The following EEF1A2 variants were observed in gnomAD, a reference collection of about 807,000 sequenced individuals.
EEF1A2 encodes elongation factor 1-alpha 2.
A neutral mutation model predicts 39.3 loss-of-function variants in EEF1A2; 5 were observed. The observed-to-expected ratio is 0.13, with a 90% confidence interval of 0.07 to 0.27. EEF1A2 has a LOEUF of 0.27. Among genes scored for constraint, EEF1A2 ranks in the 10% least tolerant of loss-of-function variants. EEF1A2 has a pLI of 1.00. For synonymous variants in EEF1A2, 287 were observed against 293.7 expected (o/e 0.98, Z 0.23); for missense variants, 218 against 681.4 (o/e 0.32, Z 7.57).
At chr20:63,495,405 A>G (rs975345409) in intron 3 of EEF1A2, among the ~76,000 whole-genome samples, 6 of 152,226 alleles carry the variant, frequency 3.9e-5, no homozygotes, top group African/African-American at 1.4e-4. Context: ...TAGAAGTCAC[A>G]GTTATCAAAG....
chr20:63,490,476 C>G lies in EEF1A2; in HGVS notation c.1029+3G>C, dbSNP rs111392970. 36 of 1,606,094 alleles carry G rather than the reference C, an allele frequency of 2.2e-5. No individual in the cohort carries two copies. Among genetic ancestry groups the G allele is most frequent in the African/African-American group, 5.3e-5 (4 of 74,930 alleles). On this transcript the variant is annotated splice_donor_region_variant and intron_variant, in intron 6 of 7. Coordinates refer to ENST00000217182, the MANE Select transcript of EEF1A2 (RefSeq NM_001958.5). ...GCCCCCTGGACCCAGCGCAGCCCCC[C>G]ACCTGGGAGGTGAACTGAGCAGCCT...
chr20:63,493,062 T>A (rs1223057272), intron 5 of EEF1A2, 75 bp downstream of exon 5: 1 of 1,494,772 alleles, frequency 6.7e-7, no homozygotes, highest in Non-Finnish European at 8.9e-7. Context: ...AGTCTTGAGA[T>A]GCCTTGTAGG....
At chr20:63,496,206 C>T (rs1254821444) in intron 2 of EEF1A2, 171 bp from the exon 3 acceptor site, 3 of 757,492 alleles carry the variant, frequency 4.0e-6, no homozygotes, top group Admixed American at 5.8e-5. Context: ...CGGGACCCCA[C>T]ACCCAGACCC....
At chr20:63,495,188 TC>T in intron 3 of EEF1A2, 87 bp from the exon 4 acceptor site, 1 of 1,530,742 alleles carries the variant, frequency 6.5e-7, no homozygotes, top group Non-Finnish European at 8.8e-7. Context: ...TCCAGGCCTC[TC>T]CAGGCAGCGG....
intron 5 of EEF1A2, among the ~76,000 whole-genome samples, 200 bp downstream of exon 5, chr20:63,492,937 G>C (rs2082397815): frequency 6.8e-6 from 1 of 146,192 alleles, no homozygotes; most frequent in African/African-American, 2.5e-5. Flanking sequence ...TAGATGGATG[G>C]GTGGATGGAT....
At chr20:63,491,144 G>A (rs1219907461) in intron 5 of EEF1A2, among the ~76,000 whole-genome samples, 1 of 151,542 alleles carries the variant, frequency 6.6e-6, no homozygotes, top group African/African-American at 2.4e-5. Context: ...CTGTGAGTGT[G>A]GGCGGGGCGA....
intron 2 of EEF1A2, 171 bp from the exon 3 acceptor site, chr20:63,496,206 C>A: frequency 1.3e-6 from 1 of 757,612 alleles, no homozygotes; most frequent in Non-Finnish European, 2.1e-6. Flanking sequence ...CGGGACCCCA[C>A]ACCCAGACCC....
chr20:63,488,280 G>A lies in EEF1A2; in HGVS notation c.*18C>T, dbSNP rs1390552672. 3 of 1,208,286 alleles carry A rather than the reference G, an allele frequency of 2.5e-6. No individual in the cohort carries two copies. The highest frequency in any genetic ancestry group is 1.8e-5 in the South Asian group (1 of 55,176). The allele number at this position is 1,208,286 out of a possible 1,614,324, so 74.8% of individuals were successfully genotyped here. A position where few individuals can be genotyped will look rare whatever the true frequency, so the allele number is the denominator to read the frequency against. On this transcript the variant is annotated 3_prime_UTR_variant, in exon 8 of 8. Transcript: ENST00000217182. Reference sequence around the variant, plus strand: ...GCGCGGCACCGCCGGGGAGGGTCGCGCCGCGGGCGCCCGCGCTTCACTTGC... The same window carrying A: ...GCGCGGCACCGCCGGGGAGGGTCGCACCGCGGGCGCCCGCGCTTCACTTGC...
At chr20:63,490,182 CT>C (rs1176710535) in intron 6 of EEF1A2, 1 of 295,490 alleles carries the variant, frequency 3.4e-6, no homozygotes, top group Non-Finnish European at 6.5e-6. Context: ...ATTCTCCTGC[CT>C]CAGCTTCCTG....
chr20:63,492,390 G>GAGA (rs769905403), intron 5 of EEF1A2, among the ~76,000 whole-genome samples: 1 of 129,662 alleles, frequency 7.7e-6, no homozygotes, highest in South Asian at 2.5e-4. Flanking sequence ...GGATGGGTGG[G>GAGA]TAGATGGATG....
chr20:63,491,477 C>T (rs765933433), intron 5 of EEF1A2, among the ~76,000 whole-genome samples: 2 of 152,240 alleles, frequency 1.3e-5, no homozygotes, highest in Non-Finnish European at 2.9e-5. Flanking sequence ...AGTGGCTGTG[C>T]TCTGTGCTGG....
intron 3 of EEF1A2, among the ~76,000 whole-genome samples, chr20:63,495,410 T>C (rs1474529822): frequency 6.6e-6 from 1 of 152,232 alleles, no homozygotes; most frequent in East Asian, 1.9e-4. Flanking sequence ...GTCACAGTTA[T>C]CAAAGCAGTT....
Position 63,493,138 on chromosome 20 carries a change from G to A in EEF1A2, c.771C>T (p.Gly257=), listed in dbSNP as rs1047396966. The A allele has an allele frequency of 1.0e-5, 16 of 1,547,438 alleles. No individual in the cohort carries two copies. The African/African-American group carries it at 1.1e-4, about 11-fold the overall frequency. ...RLPLQDVYKI[G]GIGTVPVGRV... is the part of the protein sequence containing the mutation. Reference sequence around the variant, plus strand: ...CTCCAGCACAGCGCCCTTGCTCACCGCCAATCTTGTACACGTCCTGCAGCG... The same window carrying A: ...CTCCAGCACAGCGCCCTTGCTCACCACCAATCTTGTACACGTCCTGCAGCG... The change falls in exon 5 of 8, where the codon GGC becomes GGT. Residue 257 remains glycine, a splice_region_variant and synonymous_variant. Coordinates refer to ENST00000217182, the MANE Select transcript of EEF1A2 (RefSeq NM_001958.5).
intron 6 of EEF1A2, among the ~76,000 whole-genome samples, chr20:63,489,654 A>G (rs1006086021): frequency 1.3e-5 from 2 of 152,114 alleles, no homozygotes; most frequent in Non-Finnish European, 2.9e-5. Context: ...GTGGTGGCAC[A>G]TGCCTGTAAT....
In EEF1A2 at chr20:63,488,299, C is replaced by T; in HGVS notation, c.1391G>A (p.Ter464=). Residue 464 remains the stop codon, a stop_retained_variant, in exon 8 of 8, where the codon TGA becomes TAA. Transcript: ENST00000217182. ...SAQKAQKAGK[*] ...GGTCGCGCCGCGGGCGCCCGCGCTTCACTTGCCCGCCTTCTGCGCCTTCTG... is the reference window on the plus strand; with the variant it reads ...GGTCGCGCCGCGGGCGCCCGCGCTTTACTTGCCCGCCTTCTGCGCCTTCTG... 7.4e-7 allele frequency: 1 copy of T among 1,355,668 alleles called. No homozygotes were observed. Among genetic ancestry groups the T allele is most frequent in the Non-Finnish European group, 9.6e-7 (1 of 1,042,432 alleles). 84.0% of individuals were successfully genotyped at this position (1,355,668 alleles called of 1,614,324 possible).
chr20:63,496,494 T>A (rs1225967613), intron 2 of EEF1A2: 1 of 158,994 alleles, frequency 6.3e-6, no homozygotes, highest in African/African-American at 2.4e-5. Context: ...AAAGGAAAAC[T>A]GAATGAGGTC....
At chr20:63,496,113 GC>G in intron 2 of EEF1A2, 78 bp from the exon 3 acceptor site, 1 of 1,537,080 alleles carries the variant, frequency 6.5e-7, no homozygotes, top group Non-Finnish European at 8.8e-7. Flanking sequence ...GCTTGTTACA[GC>G]AGAGTGGCCG....
chr20:63,493,352 C>T (rs2082399986), intron 4 of EEF1A2, 65 bp from the exon 5 acceptor site: 3 of 1,448,192 alleles, frequency 2.1e-6, no homozygotes, highest in East Asian at 2.7e-5. Flanking sequence ...CTCAGGCCTC[C>T]CCAGGGTGCT....
Position 63,489,853 on chromosome 20 carries a change from T to A in EEF1A2, c.1029+626A>T, listed in dbSNP as rs117519022. Among the ~76,000 whole-genome samples the A allele has an allele frequency of 3.9e-3, 594 of 152,274 alleles. 3 individuals are homozygous for A. The highest frequency in any genetic ancestry group is 6.2e-3 in the Non-Finnish European group (424 of 68,022). ...CAATGAAGACTGTAGAGAATAAAAG[T>A]ATGACAGAGATGTCTCAGACAGTAA... On this transcript the variant is annotated intron_variant, in intron 6 of 7. Transcript: ENST00000217182.
Sources: allele counts gnomAD v4.1 joint callset (sites outside exome capture counted in the v4.1 genomes callset), GRCh38; gene constraint gnomAD v4.1.1; transcripts MANE v1.5; gene names NCBI Gene and HGNC (gene_info 2026-07-23, HGNC 2026-07-21).